The following SLC45A2 variants were observed in gnomAD, a reference collection of about 807,000 sequenced individuals.
The protein encoded by SLC45A2 is membrane-associated transporter protein.
Under a neutral mutation model 45.5 loss-of-function variants are expected in SLC45A2, and 36 were observed. That is an observed-to-expected ratio of 0.79 (90% CI 0.61 to 1.04). The LOEUF is 1.04. SLC45A2 is among the 50% of genes least tolerant of loss of function. SLC45A2 has a pLI of 0.00. For missense variants in SLC45A2, 719 were observed against 671.0 expected (o/e 1.07, Z -0.79); for synonymous variants, 306 against 269.3 (o/e 1.14, Z -1.33).
At chr5:33,964,433 C>G (rs1752545234) in intron 2 of SLC45A2, among the ~76,000 whole-genome samples, 1 of 152,108 alleles carries the variant, frequency 6.6e-6, no homozygotes, top group South Asian at 2.1e-4. Flanking sequence ...AGAAAAAGCC[C>G]CAAAGAAAAC....
At chr5:33,957,130 A>T (rs1388398150) in intron 3 of SLC45A2, among the ~76,000 whole-genome samples, 1 of 152,224 alleles carries the variant, frequency 6.6e-6, no homozygotes, top group East Asian at 1.9e-4. Flanking sequence ...ACAAAAAATG[A>T]TAATAGCTTT....
intron 3 of SLC45A2, 78 bp from the exon 4 acceptor site, chr5:33,954,582 A>G (rs773483980): frequency 1.0e-4 from 161 of 1,585,934 alleles, no homozygotes; most frequent in Non-Finnish European, 1.3e-4. Context: ...ACACACAGAC[A>G]TGTTATGTAT....
rs761876061 is a variant in SLC45A2, at chr5:33,982,411, A to C, written c.387T>G (p.Ala129=). 1 of 1,613,996 alleles carries C rather than the reference A, an allele frequency of 6.2e-7. No individual in the cohort carries two copies. The highest frequency in any genetic ancestry group is 1.1e-5 in the South Asian group (1 of 91,070). ...GCTTCCTCCTTGGGTTAGCAATCAAAGCTAAAAGAAAAATAAACATTGGTC... is the reference window on the plus strand; with the variant it reads ...GCTTCCTCCTTGGGTTAGCAATCAACGCTAAAAGAAAAATAAACATTGGTC... ...LYLNGATVVA[A]LIANPRRKLV... Residue 129 remains alanine, a splice_region_variant and synonymous_variant, in exon 2 of 7, where the codon GCT becomes GCG. Coordinates refer to ENST00000296589, the MANE Select transcript of SLC45A2 (RefSeq NM_016180.5).
At chr5:33,983,502 T>C (rs1753141756) in intron 1 of SLC45A2, among the ~76,000 whole-genome samples, 1 of 152,256 alleles carries the variant, frequency 6.6e-6, no homozygotes, top group Admixed American at 6.5e-5. Flanking sequence ...TATGTACAAA[T>C]GATAATTGAT....
chr5:33,982,159 G>T, intron 2 of SLC45A2, 77 bp downstream of exon 2: 1 of 1,538,770 alleles, frequency 6.5e-7, no homozygotes. Flanking sequence ...TCCACGTGTA[G>T]AGACACTGGA....
At chr5:33,972,062 G>C (rs1299160609) in intron 2 of SLC45A2, 3 of 491,826 alleles carry the variant, frequency 6.1e-6, no homozygotes, top group South Asian at 2.9e-5. Context: ...TTTCTTAAAG[G>C]TTGTATCTAG....
At chr5:33,951,934 A>C (rs957495589) in intron 4 of SLC45A2, among the ~76,000 whole-genome samples, 3 of 152,114 alleles carry the variant, frequency 2.0e-5, no homozygotes, top group African/African-American at 4.8e-5. Flanking sequence ...TCCATCTCAC[A>C]GCTGGCCCCA....
chr5:33,957,258 T>C (rs1230659648), intron 3 of SLC45A2, among the ~76,000 whole-genome samples: 4 of 152,222 alleles, frequency 2.6e-5, no homozygotes, highest in East Asian at 1.9e-4. Context: ...TTTCTTGTCA[T>C]ATTTTTATTT....
At chr5:33,961,993 C>T (rs1304337546) in intron 3 of SLC45A2, among the ~76,000 whole-genome samples, 1 of 152,214 alleles carries the variant, frequency 6.6e-6, no homozygotes. Context: ...CCTTTCCTTT[C>T]TCCTTTCACA....
intron 2 of SLC45A2, among the ~76,000 whole-genome samples, chr5:33,965,210 A>G (rs755627822): frequency 1.3e-5 from 2 of 152,196 alleles, no homozygotes; most frequent in African/African-American, 2.4e-5. Context: ...ATATCTTCAC[A>G]AGCTAGAGAA....
In SLC45A2 at chr5:33,944,771, G is replaced by T. The variant is rs745313198; in HGVS notation, c.1470C>A (p.Val490=). 5 of 1,614,148 alleles carry T rather than the reference G, an allele frequency of 3.1e-6. No individual in the cohort carries two copies. The highest frequency in any genetic ancestry group is 4.5e-5 in the East Asian group (2 of 44,886). Residue 490 remains valine, a synonymous_variant, in exon 7 of 7, where the codon GTC becomes GTA. Coordinates refer to ENST00000296589, the MANE Select transcript of SLC45A2 (RefSeq NM_016180.5). The stretch of plus-strand genomic sequence containing the variant: ...TGACCAGAAAGCCCAGGCCACCTCC[G>T]ACCAGGATCTGAGCCAGCTGCACCA... ...TCMVQLAQIL[V]GGGLGFLVNT... is the part of the protein sequence containing the mutation.
chr5:33,984,485 G>A lies in SLC45A2; in HGVS notation c.99C>T (p.Ser33=), dbSNP rs1753187213. Residue 33 remains serine, a synonymous_variant, in exon 1 of 7, where the codon AGC becomes AGT. Transcript: ENST00000296589. ...TGGCCATGCTGTGCATGATGAGTCT[G>A]CTGGTGGGTCTTTTAGGCGGCTCCA... ...DSVEPPKRPT[S]RLIMHSMAMF... The A allele has an allele frequency of 6.2e-7, 1 of 1,613,592 alleles. No homozygotes were observed. Among genetic ancestry groups the A allele is most frequent in the African/African-American group, 1.3e-5 (1 of 75,064 alleles).
rs774411742 is a variant in SLC45A2 at position 33,984,330 on chromosome 5, T to G, written c.254A>C (p.Gln85Pro). 11 of 1,614,138 alleles carry G rather than the reference T, an allele frequency of 6.8e-6. No homozygotes were observed. The highest frequency in any genetic ancestry group is 9.3e-6 in the Non-Finnish European group (11 of 1,180,008). ...GTCGCTGGCCGATCCGACCACGGGCTGCAGCAGGAATCCCAGGATGGGGCT... is the reference window on the plus strand; with the variant it reads ...GTCGCTGGCCGATCCGACCACGGGCGGCAGCAGGAATCCCAGGATGGGGCT... Reference protein sequence around the residue: ...FLSPILGFLLQPVVGSASDHC... With the variant: ...FLSPILGFLLPPVVGSASDHC... Residue 85 changes from glutamine (Q) to proline (P), a missense_variant, in exon 1 of 7, where the codon CAG becomes CCG. By Grantham distance (76) the Gln-to-Pro change is moderately conservative (BLOSUM62 -1). Coordinates refer to ENST00000296589, the MANE Select transcript of SLC45A2 (RefSeq NM_016180.5).
Position 33,961,731 on chromosome 5 carries a change from T to C in SLC45A2, c.888+1960A>G, listed in dbSNP as rs528588121. Among the ~76,000 whole-genome samples the C allele has an allele frequency of 1.7e-4, 26 of 152,350 alleles. No individual in the cohort carries two copies. The South Asian group carries it at 4.6e-3, about 27-fold the overall frequency. ...ACAGTTGATCGACAGCGCTGAATGCTGCCTCTCTGGATCCACTGTTCCTGT... is the reference window on the plus strand; with the variant it reads ...ACAGTTGATCGACAGCGCTGAATGCCGCCTCTCTGGATCCACTGTTCCTGT... On this transcript the variant is annotated intron_variant, in intron 3 of 6. Transcript: ENST00000296589.
intron 2 of SLC45A2, among the ~76,000 whole-genome samples, chr5:33,970,534 A>G (rs1161465800): frequency 2.6e-5 from 4 of 151,026 alleles, no homozygotes; most frequent in Admixed American, 2.6e-4. Context: ...CTCATGAACC[A>G]CATCTTTGGT....
At chr5:33,970,839 A>G (rs1323193395) in intron 2 of SLC45A2, 2 of 317,982 alleles carry the variant, frequency 6.3e-6, no homozygotes, top group Non-Finnish European at 1.2e-5. Flanking sequence ...GACAATAAAC[A>G]ATAAACAAAT....
At chr5:33,978,582 C>T (rs1209720841) in intron 2 of SLC45A2, among the ~76,000 whole-genome samples, 2 of 152,194 alleles carry the variant, frequency 1.3e-5, no homozygotes, top group Non-Finnish European at 2.9e-5. Context: ...TTGACTTCAA[C>T]TCTTTAGGCA....
At chr5:33,967,845 C>A (rs1002196794) in intron 2 of SLC45A2, among the ~76,000 whole-genome samples, 43 of 150,636 alleles carry the variant, frequency 2.9e-4, no homozygotes, top group African/African-American at 1.0e-3. Context: ...CTGCAAGAAC[C>A]TGGGGGAAAC....
chr5:33,970,672 C>G (rs920021796), intron 2 of SLC45A2, among the ~76,000 whole-genome samples: 1 of 152,168 alleles, frequency 6.6e-6, no homozygotes, highest in African/African-American at 2.4e-5. Flanking sequence ...ACAGCTTAAT[C>G]ATTAATAAAA....
Sources: allele counts gnomAD v4.1 joint callset (sites outside exome capture counted in the v4.1 genomes callset), GRCh38; gene constraint gnomAD v4.1.1; transcripts MANE v1.5; gene names NCBI Gene and HGNC (gene_info 2026-07-23, HGNC 2026-07-21).